Variants in NTM observed in about 807,000 individuals in gnomAD.
The protein encoded by NTM is neurotrimin, also known as IgLON family member 2.
Under a neutral mutation model 42.1 loss-of-function variants are expected in NTM, and 13 were observed. The ratio of observed to expected loss-of-function variants is 0.31; its 90% CI spans 0.20 to 0.49. The LOEUF (loss-of-function observed/expected upper bound fraction) is 0.49, where lower values mean the gene tolerates loss of function less well. Ranked by LOEUF, NTM falls within the 20% of genes least tolerant of loss-of-function variation. NTM has a pLI of 0.99. For synonymous variants in NTM, 187 were observed against 179.2 expected (o/e 1.04, Z -0.35); for missense variants, 373 against 452.8 (o/e 0.82, Z 1.60).
chr11:131,776,584 T>A (rs10894443), intron 1 of NTM, among the ~76,000 whole-genome samples: 70,007 of 145,614 alleles, frequency 0.48, 16,664 homozygotes, highest in East Asian at 0.63. Context: ...TTTTAGACAT[T>A]TTTTTTTTTT....
At chr11:131,735,582 T>A (rs893144116) in intron 1 of NTM, among the ~76,000 whole-genome samples, 1 of 152,234 alleles carries the variant, frequency 6.6e-6, no homozygotes, top group Non-Finnish European at 1.5e-5. Flanking sequence ...TTGTTCCACA[T>A]ATGCCCCGAC....
intron 1 of NTM, among the ~76,000 whole-genome samples, chr11:131,558,572 G>A (rs760044198): frequency 5.9e-5 from 9 of 152,060 alleles, no homozygotes; most frequent in Non-Finnish European, 1.2e-4. Context: ...TGGTATACGC[G>A]CATTCTATAT....
intron 1 of NTM, among the ~76,000 whole-genome samples, chr11:131,792,494 A>C (rs1397461393): frequency 6.6e-6 from 1 of 152,024 alleles, no homozygotes; most frequent in Non-Finnish European, 1.5e-5. Flanking sequence ...CCCACTCTAC[A>C]CCTTGGGTGT....
In NTM at chr11:132,119,692, G is replaced by A. The variant is rs555436618; in HGVS notation, c.168-26590G>A. On this transcript the variant is annotated intron_variant, in intron 2 of 8. Coordinates refer to ENST00000683400, the MANE Select transcript of NTM (RefSeq NM_001352005.2). ...AATAAGCTGGCAGTCTTCTGGTCCC[G>A]TGGCATCACGCCTCTCTGCCAAAGA... 1.4e-4 allele frequency among the ~76,000 whole-genome samples: 21 copies of A among 152,332 alleles called. No individual in the cohort carries two copies. In the South Asian group the frequency reaches 3.3e-3, roughly 24 times the overall value.
intron 1 of NTM, among the ~76,000 whole-genome samples, chr11:131,622,388 C>T (rs1054489562): frequency 6.6e-6 from 1 of 152,222 alleles, no homozygotes; most frequent in Non-Finnish European, 1.5e-5. Flanking sequence ...TGTCCATCCT[C>T]GGCTCCACAG....
chr11:131,374,400 T>A (rs1327360868), intron 1 of NTM, among the ~76,000 whole-genome samples: 1 of 152,252 alleles, frequency 6.6e-6, no homozygotes, highest in Non-Finnish European at 1.5e-5. Context: ...ACTGCAGCTT[T>A]AGTTACCAGG....
chr11:131,639,006 C>A (rs2064794771), intron 1 of NTM, among the ~76,000 whole-genome samples: 1 of 152,212 alleles, frequency 6.6e-6, no homozygotes, highest in African/African-American at 2.4e-5. Context: ...CCAGCTGCTA[C>A]TATTATACTC....
At chr11:131,996,552 C>G (rs898944908) in intron 2 of NTM, among the ~76,000 whole-genome samples, 2 of 152,186 alleles carry the variant, frequency 1.3e-5, no homozygotes, top group Non-Finnish European at 2.9e-5. Context: ...CTTATCTTCT[C>G]TAATCCTTAG....
chr11:132,109,967 G>C (rs950457010), intron 2 of NTM, among the ~76,000 whole-genome samples: 1 of 152,136 alleles, frequency 6.6e-6, no homozygotes, highest in Admixed American at 6.5e-5. Context: ...CACCTGACAG[G>C]CTCCTGCTTA....
intron 4 of NTM, among the ~76,000 whole-genome samples, chr11:132,290,308 G>A (rs1463489369): frequency 2.6e-5 from 4 of 151,744 alleles, no homozygotes; most frequent in Non-Finnish European, 4.4e-5. Context: ...AACACCATCA[G>A]TGAGCAGACA....
intron 1 of NTM, among the ~76,000 whole-genome samples, chr11:131,421,754 ACC>A (rs925676312): frequency 6.6e-6 from 1 of 152,174 alleles, no homozygotes; most frequent in African/African-American, 2.4e-5. Context: ...ATTAAGAACT[ACC>A]CACCTTAGCC....
At chr11:131,730,111 A>G (rs1483672108) in intron 1 of NTM, among the ~76,000 whole-genome samples, 1 of 152,194 alleles carries the variant, frequency 6.6e-6, no homozygotes, top group Non-Finnish European at 1.5e-5. Flanking sequence ...AGTGTCTGTC[A>G]TCTTGATGAT....
chr11:132,260,816 C>G (rs1217471785), intron 4 of NTM, among the ~76,000 whole-genome samples: 1 of 152,154 alleles, frequency 6.6e-6, no homozygotes, highest in Non-Finnish European at 1.5e-5. Flanking sequence ...ACCACGGAAC[C>G]TTCTGTTCAA....
chr11:131,462,850 T>TAAGGTGATCCACCACCTTCTCCCTAGAGC (rs1951527551), intron 1 of NTM, among the ~76,000 whole-genome samples: 2 of 150,586 alleles, frequency 1.3e-5, no homozygotes, highest in African/African-American at 4.9e-5. Context: ...CTCACTAGAG[T>TAAGGTGATCCACCACCTTCTCCCTAGAGC]AGGCCCACCT....
At chr11:131,520,435 G>A (rs996984367) in intron 1 of NTM, among the ~76,000 whole-genome samples, 1 of 152,124 alleles carries the variant, frequency 6.6e-6, no homozygotes, top group Non-Finnish European at 1.5e-5. Context: ...CCACTGGGCG[G>A]CATTACACCA....
intron 1 of NTM, among the ~76,000 whole-genome samples, chr11:131,826,599 G>A (rs541571045): frequency 6.6e-6 from 1 of 150,514 alleles, no homozygotes; most frequent in East Asian, 2.0e-4. Context: ...ATTCTAAATG[G>A]CGCAGTGGAA....
intron 1 of NTM, among the ~76,000 whole-genome samples, chr11:131,881,168 C>T (rs1057141880): frequency 6.6e-6 from 1 of 152,142 alleles, no homozygotes; most frequent in East Asian, 1.9e-4. Context: ...CTGTGTCCAA[C>T]CAAGTCTGGG....
At chr11:131,523,596 C>A (rs1026769508) in intron 1 of NTM, among the ~76,000 whole-genome samples, 1 of 151,910 alleles carries the variant, frequency 6.6e-6, no homozygotes, top group South Asian at 2.1e-4. Flanking sequence ...CAGGGCCAGC[C>A]TGGCCAACAT....
chr11:132,180,021 A>G (rs1174081402), intron 3 of NTM, among the ~76,000 whole-genome samples: 1 of 152,164 alleles, frequency 6.6e-6, no homozygotes, highest in Non-Finnish European at 1.5e-5. Flanking sequence ...TCAGAAAATT[A>G]TTGGAAAATC....
Sources: gnomAD v4.1 joint callset for allele counts (sites outside exome capture counted in the v4.1 genomes callset) on GRCh38, gnomAD v4.1.1 for gene constraint, MANE v1.5 for transcripts, NCBI Gene and HGNC (gene_info 2026-07-23, HGNC 2026-07-21) for gene names.